JAK1: variants seen among roughly 807,000 people sequenced by gnomAD.
JAK1 encodes tyrosine-protein kinase JAK1.
In JAK1, 16 loss-of-function variants were observed where a neutral mutation model predicts 136.6. That is an observed-to-expected ratio of 0.12 (90% CI 0.08 to 0.18). The LOEUF (loss-of-function observed/expected upper bound fraction) is 0.18. Ranked by LOEUF, JAK1 falls within the 10% of genes least tolerant of loss-of-function variation. The probability of loss-of-function intolerance (pLI) is 1.00; values close to 1 mark genes in which losing one functional copy is unlikely to be tolerated. For synonymous variants in JAK1, 492 were observed against 519.5 expected (o/e 0.95, Z 0.72); for missense variants, 859 against 1,450.1 (o/e 0.59, Z 6.62).
At position 64,842,813 on chromosome 1, in the gene JAK1, G is replaced by A. The variant is rs115782204; in HGVS notation, c.2404-1212C>T. The stretch of plus-strand genomic sequence containing the variant: ...GCTGAAAATTCCAAATAGCAGATCT[G>A]TAGATCTGATGGTTTCCCTGCGGGT... On this transcript the variant is annotated intron_variant, in intron 17 of 24. Coordinates refer to ENST00000342505, the MANE Select transcript of JAK1 (RefSeq NM_002227.4). Among the ~76,000 whole-genome samples the A allele has an allele frequency of 5.1e-3, 779 of 152,300 alleles. 1 individual carries two copies. Among genetic ancestry groups the A allele is most frequent in the Non-Finnish European group, 7.3e-3 (499 of 68,014 alleles).
chr1:65,036,163 A>G (rs1647071354), intron 2 of JAK1, among the ~76,000 whole-genome samples: 1 of 152,258 alleles, frequency 6.6e-6, no homozygotes, highest in South Asian at 2.1e-4. Context: ...ATTTAATGTC[A>G]CTGAATTGTA....
In JAK1 at chr1:64,986,167, G is replaced by A. The variant is rs546992764; in HGVS notation, c.-78+58313C>T. 539 of 450,894 alleles carry A rather than the reference G, an allele frequency of 1.2e-3. 2 individuals carry two copies. Among genetic ancestry groups the A allele is most frequent in the African/African-American group, 9.0e-3 (439 of 48,712 alleles). The allele number at this position is 450,894 out of a possible 1,614,324, so 27.9% of individuals were successfully genotyped here. On this transcript the variant is annotated intron_variant, in intron 2 of 25. Coordinates refer to the JAK1 transcript ENST00000671954. ...GTTGCTCAGCCTGGAGTGCAGTGGG[G>A]CGATCTCAGCTCACTGCAACCTCTG... is the stretch of plus-strand genomic sequence containing the variant.
intron 1 of JAK1, among the ~76,000 whole-genome samples, chr1:64,904,414 A>G (rs981632697): frequency 6.6e-6 from 1 of 152,244 alleles, no homozygotes; most frequent in East Asian, 1.9e-4. Flanking sequence ...ATGAGGGTCC[A>G]TAGTGAAAAA....
rs905707173 is a variant in JAK1, at chr1:64,865,934, A to G, written c.990+932T>C. On this transcript the variant is annotated intron_variant, in intron 7 of 24. Coordinates refer to ENST00000342505, the MANE Select transcript of JAK1 (RefSeq NM_002227.4). ...GCCACCACATCCTGCTAATTTTGGT[A>G]TATTTTGTAAAGATAGGGTTTCACC... Among the ~76,000 whole-genome samples the G allele has an allele frequency of 5.9e-5, 9 of 152,128 alleles. No homozygotes were observed. In the East Asian group the frequency reaches 1.5e-3, roughly 26 times the overall value.
intron 7 of JAK1, among the ~76,000 whole-genome samples, chr1:64,865,719 C>T (rs762795082): frequency 3.2e-4 from 48 of 152,258 alleles, no homozygotes; most frequent in Non-Finnish European, 6.2e-4. Flanking sequence ...ATTGTTTTAG[C>T]ATGAGAATAA....
In JAK1 at chr1:64,862,322, T is replaced by C. The variant is rs571903697; in HGVS notation, c.1177-2060A>G. On this transcript the variant is annotated intron_variant, in intron 8 of 24. Coordinates refer to ENST00000342505, the MANE Select transcript of JAK1 (RefSeq NM_002227.4). Reference sequence around the variant, plus strand: ...TTCAAATGCTTTAACCTAACAGCTCTGTGACCTTGGACAGGTTACTTAACC... The same window carrying C: ...TTCAAATGCTTTAACCTAACAGCTCCGTGACCTTGGACAGGTTACTTAACC... Among the ~76,000 whole-genome samples the C allele has an allele frequency of 3.3e-5, 5 of 152,336 alleles. No individual in the cohort carries two copies. In the East Asian group the frequency reaches 7.7e-4, roughly 24 times the overall value.
chr1:65,030,416 TA>T (rs902051881), intron 2 of JAK1, among the ~76,000 whole-genome samples: 1 of 152,172 alleles, frequency 6.6e-6, no homozygotes, highest in African/African-American at 2.4e-5. Flanking sequence ...ATTCTTGCAG[TA>T]AAAAGCCAAT....
intron 2 of JAK1, among the ~76,000 whole-genome samples, chr1:65,018,176 G>A (rs554931141): frequency 4.6e-5 from 7 of 152,028 alleles, no homozygotes; most frequent in African/African-American, 1.7e-4. Flanking sequence ...AACATATAGG[G>A]TAATAGCTAA....
chr1:64,847,032 C>G (rs1010393473), intron 13 of JAK1: 4 of 496,110 alleles, frequency 8.1e-6, no homozygotes, highest in Non-Finnish European at 1.5e-5. Context: ...CCACCTCTCT[C>G]TCTTCCTTTC....
chr1:64,982,763 TTC>T (rs1646560319), intron 2 of JAK1, among the ~76,000 whole-genome samples: 1 of 146,846 alleles, frequency 6.8e-6, no homozygotes, highest in Non-Finnish European at 1.5e-5. Context: ...TGATAATATT[TTC>T]TGTCTTTTTT....
chr1:65,052,709 G>C (rs1382122815), intron 1 of JAK1, among the ~76,000 whole-genome samples: 1 of 152,072 alleles, frequency 6.6e-6, no homozygotes, highest in African/African-American at 2.4e-5. Flanking sequence ...AGCTACTTGG[G>C]AGGCTGAGGC....
At chr1:64,869,206 G>A in intron 6 of JAK1, 105 bp downstream of exon 6, 1 of 996,124 alleles carries the variant, frequency 1.0e-6, no homozygotes. Flanking sequence ...TTCATAGAGA[G>A]CAAAGGTCAG....
intron 2 of JAK1, among the ~76,000 whole-genome samples, chr1:65,014,437 T>G (rs1032923075): frequency 2.3e-5 from 3 of 133,188 alleles, no homozygotes; most frequent in Non-Finnish European, 3.3e-5. Context: ...AAAGAGAGAA[T>G]GGGAGGGAGG....
intron 1 of JAK1, among the ~76,000 whole-genome samples, chr1:64,937,084 C>T (rs1645802884): frequency 6.6e-6 from 1 of 151,896 alleles, no homozygotes; most frequent in African/African-American, 2.4e-5. Context: ...TAATCCTCCC[C>T]ACCCCCAGTT....
At chr1:64,927,330 C>T (rs1027841951) in intron 1 of JAK1, among the ~76,000 whole-genome samples, 6 of 152,236 alleles carry the variant, frequency 3.9e-5, no homozygotes, top group Non-Finnish European at 8.8e-5. Context: ...TTTGTGTCCA[C>T]ATCCTCACTA....
chr1:65,058,917 T>C (rs1008901439), intron 1 of JAK1, among the ~76,000 whole-genome samples: 3 of 152,154 alleles, frequency 2.0e-5, no homozygotes, highest in Non-Finnish European at 4.4e-5. Context: ...AGCCCTCTTC[T>C]AGATGTTCAG....
chr1:64,863,546 AAAG>A (rs1009229294), intron 8 of JAK1, among the ~76,000 whole-genome samples: 1 of 152,224 alleles, frequency 6.6e-6, no homozygotes, highest in Non-Finnish European at 1.5e-5. Context: ...GTTTAAAAAA[AAAG>A]GAGGGGAGAA....
intron 12 of JAK1, among the ~76,000 whole-genome samples, chr1:64,849,380 G>T (rs903585611): frequency 1.3e-5 from 2 of 152,160 alleles, no homozygotes; most frequent in Non-Finnish European, 2.9e-5. Context: ...ATTTTTAGTA[G>T]AGATGGGATC....
chr1:64,928,367 G>A (rs931176184), intron 1 of JAK1, among the ~76,000 whole-genome samples: 2 of 152,162 alleles, frequency 1.3e-5, no homozygotes, highest in African/African-American at 4.8e-5. Context: ...AAAGAATACT[G>A]CGAGAAAAAG....
Sources: gnomAD v4.1 joint callset for allele counts (sites outside exome capture counted in the v4.1 genomes callset) on GRCh38, gnomAD v4.1.1 for gene constraint, MANE v1.5 for transcripts, NCBI Gene and HGNC (gene_info 2026-07-23, HGNC 2026-07-21) for gene names.